Variants in HACE1 observed in about 807,000 individuals in gnomAD.
HACE1 encodes the protein E3 ubiquitin-protein ligase HACE1.
In HACE1, 73 loss-of-function variants were observed where a neutral mutation model predicts 118.4. The observed-to-expected ratio is 0.62, with a 90% CI of 0.51 to 0.75. The LOEUF is 0.75. Ranked by LOEUF, HACE1 falls within the 30% of genes least tolerant of loss-of-function variation. HACE1 has a pLI of 0.00. For synonymous variants in HACE1, 368 were observed against 374.8 expected (o/e 0.98, Z 0.21); for missense variants, 749 against 1,102.2 (o/e 0.68, Z 4.54).
chr6:104,788,798 C>T (rs1278918728), intron 11 of HACE1, among the ~76,000 whole-genome samples: 1 of 152,120 alleles, frequency 6.6e-6, no homozygotes, highest in African/African-American at 2.4e-5. Flanking sequence ...AGATAAACAT[C>T]TCTTAATGCT....
chr6:104,750,239 C>A (rs1582652733), intron 20 of HACE1, 102 bp downstream of exon 20: 3 of 689,188 alleles, frequency 4.4e-6, no homozygotes, highest in Non-Finnish European at 6.6e-6. Context: ...CTCATTTATA[C>A]ATTATTTCAT....
In HACE1 at chr6:104,775,399, C is replaced by A. The variant is rs1006303972; in HGVS notation, c.1864+1342G>T. 6.0e-5 allele frequency among the ~76,000 whole-genome samples: 9 copies of A among 150,818 alleles called. No individual in the cohort carries two copies. In the South Asian group the frequency reaches 6.3e-4, roughly 11 times the overall value. ...ACTCTGTCTCAAAGAAAAAAAAAAA[C>A]AAAAAACTTTATGGGTCTATGTACT... On this transcript the variant is annotated intron_variant, in intron 17 of 23. Coordinates refer to ENST00000262903, the MANE Select transcript of HACE1 (RefSeq NM_020771.4).
intron 3 of HACE1, 149 bp from the exon 4 acceptor site, chr6:104,849,395 G>A: frequency 1.5e-6 from 1 of 681,278 alleles, no homozygotes; most frequent in Non-Finnish European, 2.7e-6. Flanking sequence ...GGAGTGCAGT[G>A]GCACCATCAC....
intron 19 of HACE1, among the ~76,000 whole-genome samples, chr6:104,757,636 C>T (rs919683639): frequency 4.6e-5 from 7 of 152,196 alleles, no homozygotes; most frequent in Non-Finnish European, 8.8e-5. Flanking sequence ...AACACCTCTT[C>T]ACCTCCAAAG....
intron 4 of HACE1, among the ~76,000 whole-genome samples, chr6:104,845,485 T>C (rs950103214): frequency 2.0e-5 from 3 of 151,016 alleles, no homozygotes; most frequent in African/African-American, 7.3e-5. Flanking sequence ...ACTTTTTTTT[T>C]TTTTTTTTTG....
chr6:104,833,983 C>T (rs1562476611), intron 5 of HACE1, among the ~76,000 whole-genome samples: 1 of 146,524 alleles, frequency 6.8e-6, no homozygotes, highest in African/African-American at 2.5e-5. Flanking sequence ...GACTCCGTCT[C>T]AAAAAAAAAA....
intron 22 of HACE1, 62 bp downstream of exon 22, chr6:104,744,098 C>T (rs1317854963): frequency 1.0e-6 from 1 of 958,226 alleles, no homozygotes; most frequent in Admixed American, 1.7e-5. Flanking sequence ...TTAGTTATCT[C>T]TAAGCCATTA....
chr6:104,808,165 A>G (rs1269638396), intron 7 of HACE1, among the ~76,000 whole-genome samples: 2 of 152,034 alleles, frequency 1.3e-5, no homozygotes, highest in Non-Finnish European at 2.9e-5. Context: ...CACCCTGGGC[A>G]ACAGATTGAG....
chr6:104,730,531 C>T (rs532524450), intron 22 of HACE1, 115 bp from the exon 23 acceptor site: 24 of 687,514 alleles, frequency 3.5e-5, no homozygotes, highest in East Asian at 1.6e-4. Context: ...AATGACAACA[C>T]GACACTTTTT....
In HACE1 at chr6:104,795,628, G is replaced by A. The variant is rs1341857364; in HGVS notation, c.874C>T (p.Leu292=). The stretch of plus-strand genomic sequence containing the variant: ...GTAGCAACTTCAGCAAGGCTTGTTA[G>A]AATCTTTAGGTACTGGCTTTCACTT... ...QQSESQYLKI[L]TSLAEVATTN... is the part of the protein sequence containing the mutation. Residue 292 remains leucine (L), a synonymous_variant, in exon 10 of 24, where the codon CTA becomes TTA. Transcript: ENST00000262903. The A allele has an allele frequency of 1.9e-6, 3 of 1,613,276 alleles. No individual in the cohort carries two copies. Among genetic ancestry groups the A allele is most frequent in the Non-Finnish European group, 2.5e-6 (3 of 1,179,304 alleles).
At chr6:104,738,321 T>G (rs1235525044) in intron 22 of HACE1, among the ~76,000 whole-genome samples, 2 of 152,104 alleles carry the variant, frequency 1.3e-5, no homozygotes, top group Non-Finnish European at 2.9e-5. Flanking sequence ...GGATGGAGAA[T>G]GACTTTGATG....
At chr6:104,758,213 C>A (rs1161091949) in intron 19 of HACE1, among the ~76,000 whole-genome samples, 1 of 152,094 alleles carries the variant, frequency 6.6e-6, no homozygotes, top group Non-Finnish European at 1.5e-5. Flanking sequence ...CAAAGATACT[C>A]CTCGAGAAGA....
chr6:104,747,304 C>T (rs1049050511), intron 20 of HACE1, among the ~76,000 whole-genome samples: 1 of 152,036 alleles, frequency 6.6e-6, no homozygotes, highest in Non-Finnish European at 1.5e-5. Context: ...AATTCACAAG[C>T]AGCACAGTAT....
At chr6:104,812,199 C>G (rs888162792) in intron 6 of HACE1, among the ~76,000 whole-genome samples, 7 of 151,676 alleles carry the variant, frequency 4.6e-5, no homozygotes, top group Non-Finnish European at 1.0e-4. Flanking sequence ...AATGTAAAAA[C>G]ATAAAACATG....
At chr6:104,758,406 A>G (rs911987151) in intron 19 of HACE1, among the ~76,000 whole-genome samples, 2 of 152,220 alleles carry the variant, frequency 1.3e-5, no homozygotes, top group African/African-American at 4.8e-5. Context: ...AGTATTCTTA[A>G]AGAAAAGAAT....
At chr6:104,761,260 A>T (rs1779324075) in intron 19 of HACE1, among the ~76,000 whole-genome samples, 1 of 152,206 alleles carries the variant, frequency 6.6e-6, no homozygotes, top group African/African-American at 2.4e-5. Context: ...GGGCAAGAAG[A>T]ACAAAGCTGG....
chr6:104,850,893 A>G lies in HACE1; in HGVS notation c.221+14T>C, dbSNP rs555518415. On this transcript the variant is annotated intron_variant, in intron 3 of 23. Transcript: ENST00000262903. ...CCTAGATCAGAGTTTAACTCAAAAT[A>G]TCTTTAGTCTTACTTTGCTGCAATG... 52 of 1,482,224 alleles carry G rather than the reference A, an allele frequency of 3.5e-5. No homozygotes were observed. The East Asian group carries it at 1.1e-3, about 32-fold the overall frequency. The allele number at this position is 1,482,224 out of a possible 1,614,324, so 91.8% of individuals were successfully genotyped here. A position where few individuals can be genotyped will look rare whatever the true frequency, so the allele number is the denominator to read the frequency against.
chr6:104,787,394 A>G (rs1782548837), intron 11 of HACE1: 1 of 152,216 alleles, frequency 6.6e-6, no homozygotes, highest in Non-Finnish European at 1.5e-5. Flanking sequence ...ATACTGACAG[A>G]TACCTTCACT....
At chr6:104,797,126 A>T (rs928157458) in intron 7 of HACE1, 101 bp from the exon 8 acceptor site, 1 of 735,910 alleles carries the variant, frequency 1.4e-6, no homozygotes, top group African/African-American at 1.8e-5. Flanking sequence ...TATCACTTTT[A>T]AAAATTAAGA....
Sources: gnomAD v4.1 joint callset for allele counts (sites outside exome capture counted in the v4.1 genomes callset) on GRCh38, gnomAD v4.1.1 for gene constraint, MANE v1.5 for transcripts, NCBI Gene and HGNC (gene_info 2026-07-23, HGNC 2026-07-21) for gene names.